The following CAMK2D variants were observed in gnomAD, a reference collection of about 807,000 sequenced individuals.
The protein encoded by CAMK2D is calcium/calmodulin dependent protein kinase II delta.
A neutral mutation model predicts 84.0 loss-of-function variants in CAMK2D; 37 were observed. That is an observed-to-expected ratio of 0.44 (90% CI 0.34 to 0.58). The LOEUF is 0.58. Ranked by LOEUF, CAMK2D falls within the 20% of genes least tolerant of loss-of-function variation. The pLI is 0.02. For synonymous variants in CAMK2D, 202 were observed against 212.5 expected, an observed-to-expected ratio of 0.95 and a Z score of 0.43; for missense variants, 448 against 652.5, an observed-to-expected ratio of 0.69 and a Z score of 3.41.
chr4:113,657,940 A>G (rs2099209583), intron 3 of CAMK2D, among the ~76,000 whole-genome samples: 1 of 152,180 alleles, frequency 6.6e-6, no homozygotes, highest in South Asian at 2.1e-4. Flanking sequence ...AGAGTCTGAT[A>G]TTACTTAGAT....
chr4:113,564,022 T>C lies in CAMK2D; in HGVS notation c.276-11926A>G, dbSNP rs373838075. On this transcript the variant is annotated intron_variant, in intron 4 of 20. Coordinates refer to ENST00000511664, the MANE Select transcript of CAMK2D (RefSeq NM_001321571.2). ...ATGAAATAGAGACTCTTGATGGAGA[T>C]AACTAGTTTCTTTTAAACTCTCATT... Among the ~76,000 whole-genome samples, 21 of 152,344 alleles carry C rather than the reference T, an allele frequency of 1.4e-4. No homozygotes were observed. In the South Asian group the frequency reaches 4.1e-3, roughly 30 times the overall value.
intron 3 of CAMK2D, among the ~76,000 whole-genome samples, chr4:113,638,706 T>C (rs1265082891): frequency 1.3e-5 from 2 of 152,106 alleles, no homozygotes; most frequent in Non-Finnish European, 2.9e-5. Flanking sequence ...CAAGCAACTC[T>C]AGATAAAGTG....
At chr4:113,552,469 TGA>T (rs1315553269) in intron 4 of CAMK2D, among the ~76,000 whole-genome samples, 1 of 152,230 alleles carries the variant, frequency 6.6e-6, no homozygotes, top group Non-Finnish European at 1.5e-5. Context: ...CTATTGAGTA[TGA>T]GTTTCCATGT....
chr4:113,530,216 T>G (rs2098448903), intron 8 of CAMK2D, among the ~76,000 whole-genome samples: 1 of 152,222 alleles, frequency 6.6e-6, no homozygotes, highest in Non-Finnish European at 1.5e-5. Context: ...ACATACATAA[T>G]AAGATATCTT....
intron 2 of CAMK2D, among the ~76,000 whole-genome samples, chr4:113,722,953 C>T (rs1195177466): frequency 6.6e-6 from 1 of 152,032 alleles, no homozygotes; most frequent in Non-Finnish European, 1.5e-5. Context: ...GTCCCTTTAC[C>T]TTGAAGGAAA....
Position 113,564,536 on chromosome 4 carries a change from C to A in CAMK2D, c.276-12440G>T, listed in dbSNP as rs529944235. ...CACACCGAGACCATCTGCTTATATA[C>A]CCATATCTCCTACTAAACCTCAAGA... On this transcript the variant is annotated intron_variant, in intron 4 of 20. Transcript: ENST00000511664. 1.1e-4 allele frequency among the ~76,000 whole-genome samples: 17 copies of A among 152,104 alleles called. No homozygotes were observed. In the South Asian group the frequency reaches 2.9e-3, roughly 26 times the overall value.
chr4:113,657,308 T>A (rs1463206512), intron 3 of CAMK2D, among the ~76,000 whole-genome samples: 1 of 152,116 alleles, frequency 6.6e-6, no homozygotes, highest in African/African-American at 2.4e-5. Context: ...ACGACATTAT[T>A]ATGGTGTTTT....
chr4:113,540,449 ATGGACCACAGCATTG>A (rs2098522812), intron 6 of CAMK2D, among the ~76,000 whole-genome samples: 1 of 152,184 alleles, frequency 6.6e-6, no homozygotes. Context: ...CTAGCTGACT[ATGGACCACAGCATTG>A]TAAGAGAAAC....
chr4:113,467,747 C>T (rs2097492429), intron 16 of CAMK2D, among the ~76,000 whole-genome samples: 1 of 152,162 alleles, frequency 6.6e-6, no homozygotes, highest in Admixed American at 6.6e-5. Flanking sequence ...GCCAGTGACA[C>T]ATTTTAGCTT....
Position 113,759,330 on chromosome 4 carries a change from A to G in CAMK2D, c.150T>C (p.Leu50=), listed in dbSNP as rs1034892773. 1.2e-6 allele frequency: 2 copies of G among 1,605,964 alleles called. No homozygotes were observed. The highest frequency in any genetic ancestry group is 1.7e-6 in the Non-Finnish European group (2 of 1,174,880). Reference sequence around the variant, plus strand: ...GTTGAAAATACCCACCCCTAGCAGAAAGCTTTTTGGTGTTGATAATTTTGG... The same window carrying G: ...GTTGAAAATACCCACCCCTAGCAGAGAGCTTTTTGGTGTTGATAATTTTGG... ...YAAKIINTKK[L]SARDHQKLER... is the part of the protein sequence containing the mutation. The change falls in exon 2 of 21, where the codon CTT becomes CTC. Residue 50 remains leucine, a synonymous_variant. Transcript: ENST00000511664.
chr4:113,614,169 C>A (rs2099012312), intron 3 of CAMK2D, among the ~76,000 whole-genome samples: 1 of 152,002 alleles, frequency 6.6e-6, no homozygotes, highest in South Asian at 2.1e-4. Flanking sequence ...ACAGTACCCC[C>A]CACACAAAAT....
At chr4:113,579,578 T>C (rs1208354951) in intron 4 of CAMK2D, among the ~76,000 whole-genome samples, 1 of 152,114 alleles carries the variant, frequency 6.6e-6, no homozygotes, top group Admixed American at 6.6e-5. Flanking sequence ...CCCCTCTCTC[T>C]TGCTCCCTCT....
chr4:113,760,911 C>T lies in CAMK2D; in HGVS notation c.65+93G>A, dbSNP rs1477486872. The T allele has an allele frequency of 1.0e-5, 16 of 1,532,014 alleles. No individual in the cohort carries two copies. In the South Asian group the frequency reaches 1.5e-4, roughly 14 times the overall value. 94.9% of individuals were successfully genotyped at this position (1,532,014 alleles called of 1,614,324 possible). A position where few individuals can be genotyped will look rare whatever the true frequency, so the allele number is the denominator to read the frequency against. ...CTCCTCCCATTCCTCTCCCAAACTC[C>T]CTCGCCCCAAGACGGAGGCCGGTGG... On this transcript the variant is annotated intron_variant, in intron 1 of 20. Transcript: ENST00000511664.
In CAMK2D at chr4:113,561,089, G is replaced by C. The variant is rs536712459; in HGVS notation, c.276-8993C>G. Among the ~76,000 whole-genome samples, 39 of 152,244 alleles carry C rather than the reference G, an allele frequency of 2.6e-4. 1 individual carries two copies. The highest frequency in any genetic ancestry group is 2.0e-3 in the Admixed American group (31 of 15,298). On this transcript the variant is annotated intron_variant, in intron 4 of 20. Coordinates refer to ENST00000511664, the MANE Select transcript of CAMK2D (RefSeq NM_001321571.2). ...CAACTGCAAAGAGGAGAGAAAAAAGGAACAAAAGAGTTGGAAACAGGAATC... is the reference window on the plus strand; with the variant it reads ...CAACTGCAAAGAGGAGAGAAAAAAGCAACAAAAGAGTTGGAAACAGGAATC...
At chr4:113,493,131 A>C (rs1198116550) in intron 16 of CAMK2D, among the ~76,000 whole-genome samples, 1 of 148,522 alleles carries the variant, frequency 6.7e-6, no homozygotes, top group Non-Finnish European at 1.5e-5. Context: ...TGGAGCATTT[A>C]GTCCATTTAC....
At chr4:113,555,601 C>T (rs903663692) in intron 4 of CAMK2D, among the ~76,000 whole-genome samples, 7 of 152,184 alleles carry the variant, frequency 4.6e-5, no homozygotes, top group African/African-American at 1.7e-4. Context: ...TGCTGCCTTG[C>T]ATTTAAGCAA....
intron 3 of CAMK2D, among the ~76,000 whole-genome samples, chr4:113,641,935 G>A (rs1410730108): frequency 3.9e-5 from 6 of 152,032 alleles, no homozygotes; most frequent in African/African-American, 9.7e-5. Context: ...ACTTGAACCC[G>A]GGAGGTGGAG....
At chr4:113,634,867 C>T (rs1239579777) in intron 3 of CAMK2D, among the ~76,000 whole-genome samples, 1 of 152,160 alleles carries the variant, frequency 6.6e-6, no homozygotes, top group Non-Finnish European at 1.5e-5. Flanking sequence ...GTACCAAGGA[C>T]TTGAACTTAT....
At chr4:113,713,954 A>G (rs1198139047) in intron 2 of CAMK2D, among the ~76,000 whole-genome samples, 1 of 151,392 alleles carries the variant, frequency 6.6e-6, no homozygotes, top group Non-Finnish European at 1.5e-5. Context: ...TTTTTTACTG[A>G]TGGCATCTGT....
Sources: allele counts gnomAD v4.1 joint callset (sites outside exome capture counted in the v4.1 genomes callset), GRCh38; gene constraint gnomAD v4.1.1; transcripts MANE v1.5; gene names NCBI Gene and HGNC (gene_info 2026-07-23, HGNC 2026-07-21).